Variants in LYST observed in about 807,000 individuals in gnomAD.
LYST encodes lysosomal trafficking regulator.
A neutral mutation model predicts 413.6 loss-of-function variants in LYST; 192 were observed. The observed-to-expected ratio is 0.46, with a 90% confidence interval of 0.41 to 0.52. The LOEUF is 0.52. LYST is among the 20% of genes least tolerant of loss of function. LYST has a pLI of 0.00. For missense variants in LYST, 3,815 were observed against 4,499.9 expected, an observed-to-expected ratio of 0.85 and a Z score of 4.35; for synonymous variants, 1,525 against 1,567.3, an observed-to-expected ratio of 0.97 and a Z score of 0.64.
intron 42 of LYST, 151 bp downstream of exon 42, chr1:235,715,050 G>T: frequency 1.4e-6 from 1 of 722,058 alleles, no homozygotes; most frequent in African/African-American, 1.8e-5. Context: ...CTTTTTTGAG[G>T]AGCACTTTGG....
intron 28 of LYST, among the ~76,000 whole-genome samples, chr1:235,746,814 T>C (rs973654991): frequency 2.6e-5 from 4 of 152,192 alleles, no homozygotes; most frequent in Non-Finnish European, 5.9e-5. Context: ...AAGTATTAAA[T>C]GGGCTCAAAT....
At chr1:235,771,626 T>C (rs753563646) in intron 19 of LYST, among the ~76,000 whole-genome samples, 9 of 152,126 alleles carry the variant, frequency 5.9e-5, no homozygotes, top group Non-Finnish European at 1.0e-4. Context: ...AAAGTATATA[T>C]TTATTCAGAG....
chr1:235,734,412 A>G, intron 32 of LYST, 71 bp downstream of exon 32: 2 of 1,212,802 alleles, frequency 1.6e-6, no homozygotes, highest in South Asian at 1.2e-5. Context: ...CTGTTCTTAA[A>G]AAAGTAGTGT....
chr1:235,811,103 C>T (rs900242546), intron 4 of LYST, among the ~76,000 whole-genome samples: 1 of 152,206 alleles, frequency 6.6e-6, no homozygotes, highest in Admixed American at 6.5e-5. Context: ...TGAGATCGTG[C>T]CACTGCACTC....
intron 44 of LYST, among the ~76,000 whole-genome samples, chr1:235,707,762 C>T (rs60589155): frequency 0.027 from 4,134 of 152,154 alleles, 169 homozygotes; most frequent in African/African-American, 0.094. Context: ...AAATATCCAA[C>T]AATAGAAGAC....
chr1:235,723,223 T>C (rs1663543736), intron 39 of LYST, among the ~76,000 whole-genome samples: 1 of 152,208 alleles, frequency 6.6e-6, no homozygotes, highest in Non-Finnish European at 1.5e-5. Flanking sequence ...TTCAGTTTTG[T>C]ACAGGTTACG....
chr1:235,881,729 A>T (rs924908914), intron 1 of LYST, among the ~76,000 whole-genome samples: 1 of 152,238 alleles, frequency 6.6e-6, no homozygotes, highest in African/African-American at 2.4e-5. Context: ...TACAACATGG[A>T]TGAATCTTGA....
At chr1:235,762,072 A>G (rs1460389128) in intron 22 of LYST, among the ~76,000 whole-genome samples, 1 of 151,964 alleles carries the variant, frequency 6.6e-6, no homozygotes, top group African/African-American at 2.4e-5. Flanking sequence ...ATGTATACAT[A>G]TGTAACAAAC....
At chr1:235,681,289 C>T (rs1659795653) in intron 48 of LYST, among the ~76,000 whole-genome samples, 1 of 152,092 alleles carries the variant, frequency 6.6e-6, no homozygotes, top group African/African-American at 2.4e-5. Flanking sequence ...AAGAAAGTGG[C>T]ACTGCCAATG....
intron 21 of LYST, among the ~76,000 whole-genome samples, chr1:235,765,122 T>C (rs984375003): frequency 3.3e-5 from 5 of 152,152 alleles, no homozygotes; most frequent in African/African-American, 1.2e-4. Context: ...TACCCTTCCT[T>C]CTTCATGCTG....
chr1:235,749,434 C>G (rs970537541), intron 28 of LYST, among the ~76,000 whole-genome samples: 1 of 150,894 alleles, frequency 6.6e-6, no homozygotes, highest in Non-Finnish European at 1.5e-5. Context: ...AGAGAGACTT[C>G]AGAGAGAGAG....
chr1:235,879,120 C>T (rs751069242), intron 1 of LYST, among the ~76,000 whole-genome samples: 42 of 152,184 alleles, frequency 2.8e-4, no homozygotes, highest in Non-Finnish European at 5.4e-4. Flanking sequence ...ATCCTCCCAC[C>T]TCAGCCTCCC....
chr1:235,715,131 AGTTGTTGTT>A (rs3831362), intron 42 of LYST, 61 bp downstream of exon 42: 4 of 1,176,574 alleles, frequency 3.4e-6, no homozygotes, highest in African/African-American at 1.5e-5. Flanking sequence ...GTCAGTCCTA[AGTTGTTGTT>A]GTTGTTGTTG....
intron 1 of LYST, among the ~76,000 whole-genome samples, chr1:235,847,597 A>G (rs566785464): frequency 6.8e-4 from 104 of 152,094 alleles, no homozygotes; most frequent in African/African-American, 2.5e-3. Flanking sequence ...CACTTAAAAG[A>G]TACAGAACCA....
At chr1:235,817,119 A>T (rs1674215990) in intron 3 of LYST, among the ~76,000 whole-genome samples, 1 of 152,214 alleles carries the variant, frequency 6.6e-6, no homozygotes, top group Non-Finnish European at 1.5e-5. Flanking sequence ...ATATGAAAAA[A>T]TGCTCAACAT....
At chr1:235,794,196 A>C (rs1249667320) in intron 10 of LYST, among the ~76,000 whole-genome samples, 1 of 152,204 alleles carries the variant, frequency 6.6e-6, no homozygotes, top group African/African-American at 2.4e-5. Context: ...TTCTTTAAAG[A>C]AACATAAATC....
At chr1:235,731,555 CA>C (rs142479102) in intron 34 of LYST, among the ~76,000 whole-genome samples, 6 of 135,354 alleles carry the variant, frequency 4.4e-5, no homozygotes, top group African/African-American at 1.4e-4. Flanking sequence ...TCCCATTTTG[CA>C]TTTTTTTTTT....
In LYST at chr1:235,664,045, T is replaced by G. The variant is rs1558093337; in HGVS notation, c.11206A>C (p.Thr3736Pro). The change falls in exon 52 of 53, where the codon ACA becomes CCA. Residue 3736 changes from threonine (T) to proline (P), a missense_variant. Physicochemically the swap from Thr to Pro is conservative, Grantham distance 38 (BLOSUM62 -1). Coordinates refer to ENST00000389793, the MANE Select transcript of LYST (RefSeq NM_000081.4). This position sits in a 1 kb window ranked among gnomAD's most constrained non-coding sequence, Gnocchi z 4.5. ...LENGIVRLWS[T>P]WDLKPVREIT... ...TCTCTCACAGGCTTTAAGTCCCATG[T>G]GCTCCATAACCTAGAGGGGAAAAAA... 1 of 1,612,822 alleles carries G rather than the reference T, an allele frequency of 6.2e-7. No individual in the cohort carries two copies. Among genetic ancestry groups the G allele is most frequent in the Non-Finnish European group, 8.5e-7 (1 of 1,178,756 alleles).
Position 235,734,556 on chromosome 1 carries a change from A to C in LYST, c.8462T>G (p.Leu2821Trp). The C allele has an allele frequency of 6.2e-7, 1 of 1,613,750 alleles. No individual in the cohort carries two copies. The highest frequency in any genetic ancestry group is 8.5e-7 in the Non-Finnish European group (1 of 1,179,676). ...GATGCACTTGTGACCACATAACTTC[A>C]AAGCATTCATAAGCAGTTCTGCTGT... is the stretch of plus-strand genomic sequence containing the variant. Reference protein sequence around the residue: ...LGTAELLMNALKLCGHKCIPP... With the variant: ...LGTAELLMNAWKLCGHKCIPP... The change falls in exon 32 of 53, where the codon TTG (leucine) becomes TGG (tryptophan). Residue 2821 changes from leucine (L) to tryptophan (W), a missense_variant. By Grantham distance (61) the Leu-to-Trp change is moderately conservative. Transcript: ENST00000389793.
Sources: gnomAD v4.1 joint callset for allele counts (sites outside exome capture counted in the v4.1 genomes callset) on GRCh38, gnomAD v4.1.1 for gene constraint, Gnocchi (gnomAD v3.1) non-coding constraint, MANE v1.5 for transcripts, NCBI Gene and HGNC (gene_info 2026-07-23, HGNC 2026-07-21) for gene names.